Variants in CACNA1D observed in about 807,000 individuals in gnomAD.
CACNA1D encodes voltage-dependent L-type calcium channel subunit alpha-1D.
CACNA1D carries 55 observed loss-of-function variants against 257.1 expected under a neutral mutation model. The observed-to-expected ratio is 0.21, with a 90% CI of 0.17 to 0.27. The LOEUF (loss-of-function observed/expected upper bound fraction) is 0.27, where lower values mean the gene tolerates loss of function less well. Among genes scored for constraint, CACNA1D ranks in the 10% least tolerant of loss-of-function variants. The probability of loss-of-function intolerance (pLI) is 1.00; values close to 1 mark genes in which losing one functional copy is unlikely to be tolerated. For synonymous variants in CACNA1D, 980 were observed against 1,014.9 expected, an observed-to-expected ratio of 0.97 and a Z score of 0.65; for missense variants, 1,876 against 2,784.0, an observed-to-expected ratio of 0.67 and a Z score of 7.34.
In CACNA1D at chr3:53,723,152, G is replaced by T. The variant is rs756307108; in HGVS notation, c.1667-282G>T. Among the ~76,000 whole-genome samples, 2 of 152,170 alleles carry T rather than the reference G, an allele frequency of 1.3e-5. No individual in the cohort carries two copies. The highest frequency in any genetic ancestry group is 2.9e-5 in the Non-Finnish European group (2 of 68,028). ...GAAGGAGTCAGAGATTATGTGATGA[G>T]CTGCCCCTTCCCATTTTGTCATCAG... On this transcript the variant is annotated intron_variant, in intron 12 of 47. Coordinates refer to ENST00000350061, the MANE Select transcript of CACNA1D (RefSeq NM_001128840.3). This position sits in a 1 kb window ranked among gnomAD's most constrained non-coding sequence, Gnocchi z 5.6.
chr3:53,535,017 C>T (rs372305772), intron 3 of CACNA1D, among the ~76,000 whole-genome samples: 208 of 152,184 alleles, frequency 1.4e-3, no homozygotes, highest in Non-Finnish European at 2.6e-3. Flanking sequence ...TCCAATAGGC[C>T]GGCACCTTTT....
At chr3:53,542,105 T>G (rs1477638733) in intron 3 of CACNA1D, among the ~76,000 whole-genome samples, 1 of 152,180 alleles carries the variant, frequency 6.6e-6, no homozygotes, top group Non-Finnish European at 1.5e-5. Context: ...TGTGAATATA[T>G]TAAAAGCCAT....
At chr3:53,722,715 C>A (rs1289809218) in intron 12 of CACNA1D, among the ~76,000 whole-genome samples, 1 of 152,198 alleles carries the variant, frequency 6.6e-6, no homozygotes, top group African/African-American at 2.4e-5. Flanking sequence ...CCTGAGCCAA[C>A]CTAGGACCAA....
rs2095426463 is a variant in CACNA1D at position 53,781,748 on chromosome 3, GT to G, written c.4792+84del. ...AGTGTCTCCAGAAAGTCCAGAGAGTGTTTGCAAAATGCTTTATGTATCATTT... is the reference window on the plus strand; with the variant it reads ...AGTGTCTCCAGAAAGTCCAGAGAGTGTTGCAAAATGCTTTATGTATCATTT... On this transcript the variant is annotated intron_variant, in intron 39 of 47. Coordinates refer to ENST00000350061, the MANE Select transcript of CACNA1D (RefSeq NM_001128840.3). 4 of 966,368 alleles carry G rather than the reference GT, an allele frequency of 4.1e-6. No individual in the cohort carries two copies. In the Admixed American group the frequency reaches 6.8e-5, roughly 16 times the overall value. The allele number at this position is 966,368 out of a possible 1,614,324, so 59.9% of individuals were successfully genotyped here.
In CACNA1D at chr3:53,718,387, T is replaced by A. The variant is rs139380111; in HGVS notation, c.1477T>A (p.Cys493Ser). 7.3e-5 allele frequency: 117 copies of A among 1,613,218 alleles called. No homozygotes were observed. In the African/African-American group the frequency reaches 1.5e-3, roughly 21 times the overall value. ...GAACCGAGGCTGCTGTGGAAGTCTC[T>A]GGTGAGTGTGGGGAGCACTTGCCCT... is the stretch of plus-strand genomic sequence containing the variant. ...GENRGCCGSL[C>S]QAISKSKLSR... Residue 493 changes from cysteine (C) to serine (S), a missense_variant and splice_region_variant, in exon 10 of 48, where the codon TGT becomes AGT. Around this residue, in one of 10 missense-constraint regions of CACNA1D, gnomAD observed 257 missense variants for 399.7 expected, o/e 0.64. Coordinates refer to ENST00000350061, the MANE Select transcript of CACNA1D (RefSeq NM_001128840.3).
intron 3 of CACNA1D, among the ~76,000 whole-genome samples, chr3:53,511,604 A>G (rs1287679054): frequency 6.6e-6 from 1 of 152,220 alleles, no homozygotes; most frequent in Non-Finnish European, 1.5e-5. Flanking sequence ...GTACGACATT[A>G]AACTGTGGTA....
chr3:53,770,061 A>C, intron 31 of CACNA1D, 44 bp downstream of exon 31: 1 of 1,483,650 alleles, frequency 6.7e-7, no homozygotes, highest in Non-Finnish European at 9.4e-7. Flanking sequence ...CTTTTCCTTA[A>C]GTTTATTTGA....
At chr3:53,536,046 T>C (rs1190941997) in intron 3 of CACNA1D, among the ~76,000 whole-genome samples, 1 of 152,148 alleles carries the variant, frequency 6.6e-6, no homozygotes, top group East Asian at 1.9e-4. Context: ...CTGGGCTTGT[T>C]GGTTGGTTTC....
chr3:53,747,494 C>G, intron 26 of CACNA1D, 46 bp downstream of exon 26: 1 of 1,599,512 alleles, frequency 6.3e-7, no homozygotes, highest in Non-Finnish European at 8.6e-7. Flanking sequence ...ACCTGCGTGC[C>G]CAGGGCTGAG....
intron 8 of CACNA1D, among the ~76,000 whole-genome samples, chr3:53,685,230 G>T (rs757560206): frequency 6.6e-6 from 1 of 152,124 alleles, no homozygotes; most frequent in Non-Finnish European, 1.5e-5. Flanking sequence ...TTCAGAAATA[G>T]ACATTTTATT....
intron 3 of CACNA1D, among the ~76,000 whole-genome samples, chr3:53,536,418 A>G (rs1419822781): frequency 6.6e-6 from 1 of 152,232 alleles, no homozygotes. Context: ...AGCCTTGTTA[A>G]CATATGGTAC....
At chr3:53,810,774 A>C (rs1218201565) in intron 47 of CACNA1D, among the ~76,000 whole-genome samples, 16 of 149,210 alleles carry the variant, frequency 1.1e-4, no homozygotes, top group Admixed American at 4.0e-4. Context: ...AAAAAAAAAA[A>C]AAAAAAAAAA....
chr3:53,696,354 G>A (rs912775806), intron 8 of CACNA1D, among the ~76,000 whole-genome samples: 1 of 152,172 alleles, frequency 6.6e-6, no homozygotes, highest in Non-Finnish European at 1.5e-5. Flanking sequence ...TCGTGTTGAG[G>A]TGCTTAGGGT....
At chr3:53,734,500 A>G (rs770943432) in intron 19 of CACNA1D, among the ~76,000 whole-genome samples, 1 of 152,126 alleles carries the variant, frequency 6.6e-6, no homozygotes, top group South Asian at 2.1e-4. Flanking sequence ...AAATACATAC[A>G]TGTGTATATG....
chr3:53,628,454 A>G (rs1409760966), intron 3 of CACNA1D, among the ~76,000 whole-genome samples: 1 of 152,218 alleles, frequency 6.6e-6, no homozygotes, highest in Admixed American at 6.5e-5. Flanking sequence ...ATTCTAAAGG[A>G]TGAATGCCAT....
chr3:53,711,223 G>C (rs1353247304), intron 9 of CACNA1D, among the ~76,000 whole-genome samples: 20 of 152,212 alleles, frequency 1.3e-4, no homozygotes, highest in Non-Finnish European at 1.5e-5. Flanking sequence ...TCCAGCCTGG[G>C]TAACAGAGTG....
intron 21 of CACNA1D, 180 bp downstream of exon 21, chr3:53,740,519 C>A: frequency 1.6e-6 from 1 of 619,204 alleles, no homozygotes; most frequent in Admixed American, 2.3e-5. Context: ...GCTGCTCCTG[C>A]GTGTGACACA....
At chr3:53,514,222 C>A (rs997985775) in intron 3 of CACNA1D, among the ~76,000 whole-genome samples, 9 of 152,024 alleles carry the variant, frequency 5.9e-5, no homozygotes, top group Non-Finnish European at 1.3e-4. Flanking sequence ...GGATTCACAC[C>A]CGGACTTCTG....
intron 3 of CACNA1D, among the ~76,000 whole-genome samples, chr3:53,628,087 G>T (rs933053507): frequency 6.6e-6 from 1 of 152,236 alleles, no homozygotes; most frequent in African/African-American, 2.4e-5. Flanking sequence ...AGGGAGCCCT[G>T]TCTTCTCTAA....
Sources: allele counts gnomAD v4.1 joint callset (sites outside exome capture counted in the v4.1 genomes callset), GRCh38; gene constraint gnomAD v4.1.1; regional missense constraint gnomAD v4.1.1; non-coding constraint Gnocchi (gnomAD v3.1); transcripts MANE v1.5; gene names NCBI Gene and HGNC (gene_info 2026-07-23, HGNC 2026-07-21).